Variants in ALDH2 observed in about 807,000 individuals in gnomAD.
ALDH2 encodes aldehyde dehydrogenase, mitochondrial.
Under a neutral mutation model 59.6 loss-of-function variants are expected in ALDH2, and 44 were observed. The observed-to-expected ratio is 0.74, with a 90% confidence interval of 0.58 to 0.95. The LOEUF is 0.95. Among genes scored for constraint, ALDH2 ranks in the 40% least tolerant of loss-of-function variants. The pLI, the probability that ALDH2 is intolerant of heterozygous loss-of-function variation, is 0.00. For missense variants in ALDH2, 570 were observed against 696.3 expected (o/e 0.82, Z 2.04); for synonymous variants, 291 against 284.0 (o/e 1.02, Z -0.25).
chr12:111,790,704 C>T, intron 6 of ALDH2, 142 bp downstream of exon 6: 1 of 1,116,150 alleles, frequency 9.0e-7, no homozygotes, highest in Non-Finnish European at 1.3e-6. Context: ...AGAGTGGCTC[C>T]CTCTTAGCTT....
At chr12:111,790,996 C>T (rs1312733402) in intron 6 of ALDH2, among the ~76,000 whole-genome samples, 3 of 152,124 alleles carry the variant, frequency 2.0e-5, no homozygotes, top group African/African-American at 7.2e-5. Context: ...CTGCAGTGAG[C>T]TGTGATCACA....
At chr12:111,797,472 A>C (rs911392937) in intron 9 of ALDH2, among the ~76,000 whole-genome samples, 2 of 152,226 alleles carry the variant, frequency 1.3e-5, no homozygotes, top group African/African-American at 4.8e-5. Context: ...GTAGGGGTGC[A>C]TGCCTATAGT....
rs147178045 is a variant in ALDH2 at position 111,803,991 on chromosome 12, T to C, written c.1521+18T>C. ...TGAAAACTGTGAGTGTGGGACCTGC[T>C]GGGGGCTCAGGGCCTGTTGGGGCTT... On this transcript the variant is annotated intron_variant, in intron 12 of 12. Coordinates refer to ENST00000261733, the MANE Select transcript of ALDH2 (RefSeq NM_000690.4). The C allele has an allele frequency of 1.9e-4, 300 of 1,566,218 alleles. No individual in the cohort carries two copies. The African/African-American group carries it at 3.7e-3, about 19-fold the overall frequency.
At position 111,789,884 on chromosome 12, in the gene ALDH2, T is replaced by C; in HGVS notation, c.502T>C (p.Phe168Leu). ...AACCATCCCCATTGACGGAGACTTC[T>C]TCAGCTACACACGCCATGAACCTGT... is the stretch of plus-strand genomic sequence containing the variant. The part of the protein sequence containing the change: ...GKTIPIDGDF[F>L]SYTRHEPVGV... The change falls in exon 5 of 13, where the codon TTC becomes CTC. Residue 168 changes from phenylalanine (F) to leucine (L), a missense_variant. By Grantham distance (22) the Phe-to-Leu change is conservative. Transcript: ENST00000261733. The C allele has an allele frequency of 2.5e-6, 4 of 1,614,222 alleles. No homozygotes were observed. The highest frequency in any genetic ancestry group is 3.4e-6 in the Non-Finnish European group (4 of 1,180,038).
In ALDH2 at chr12:111,783,251, C is replaced by G; in HGVS notation, c.313C>G (p.Leu105Val). Residue 105 changes from leucine to valine, a missense_variant, in exon 3 of 13, where the codon CTG (leucine) becomes GTG (valine). Coordinates refer to ENST00000261733, the MANE Select transcript of ALDH2 (RefSeq NM_000690.4). ...GGACGCATCACACAGGGGCCGGCTGCTGAACCGCCTGGCCGATCTGATCGA... is the reference window on the plus strand; with the variant it reads ...GGACGCATCACACAGGGGCCGGCTGGTGAACCGCCTGGCCGATCTGATCGA... ...RMDASHRGRL[L>V]NRLADLIERD... 2.5e-6 allele frequency: 4 copies of G among 1,612,946 alleles called. No individual in the cohort carries two copies. Among genetic ancestry groups the G allele is most frequent in the Non-Finnish European group, 3.4e-6 (4 of 1,179,494 alleles).
rs2068525950 is a variant in ALDH2 at position 111,810,224 on chromosome 12, A to C, written c.*649A>C. On this transcript the variant is annotated 3_prime_UTR_variant, in exon 13 of 13. Coordinates refer to ENST00000261733, the MANE Select transcript of ALDH2 (RefSeq NM_000690.4). ...GAGGCTGAGGCAGGAAAATTGGTTG[A>C]ACCTGGGAGGTGGAGGTTGCAGTGA... 6.5e-6 allele frequency: 1 copy of C among 153,444 alleles called. No homozygotes were observed. The highest frequency in any genetic ancestry group is 2.1e-4 in the South Asian group (1 of 4,866). 9.5% of individuals were successfully genotyped at this position (153,444 alleles called of 1,614,324 possible). A position where few individuals can be genotyped will look rare whatever the true frequency, so the allele number is the denominator to read the frequency against.
At chr12:111,794,504 C>G (rs1435798308) in intron 9 of ALDH2, among the ~76,000 whole-genome samples, 1 of 151,946 alleles carries the variant, frequency 6.6e-6, no homozygotes, top group African/African-American at 2.4e-5. Context: ...TGCCCAACAT[C>G]CCCCTCTTTG....
intron 11 of ALDH2, among the ~76,000 whole-genome samples, chr12:111,802,879 C>CAAA (rs747777133): frequency 1.9e-5 from 1 of 53,028 alleles, no homozygotes. Context: ...GACTCTGTCT[C>CAAA]AAAAAAAAAA....
chr12:111,788,792 A>G (rs1593077571), intron 4 of ALDH2, among the ~76,000 whole-genome samples: 1 of 152,206 alleles, frequency 6.6e-6, no homozygotes, highest in East Asian at 1.9e-4. Context: ...ACTTGAGCTC[A>G]GGAGTTTGAG....
In ALDH2 at chr12:111,800,479, G is replaced by T. The variant is rs550255304; in HGVS notation, c.1406+416G>T. Reference sequence around the variant, plus strand: ...AATATTCTACCCAGGCTGAAGTGCTGTGGGGTGCGATTATAGCTCACTGCA... The same window carrying T: ...AATATTCTACCCAGGCTGAAGTGCTTTGGGGTGCGATTATAGCTCACTGCA... On this transcript the variant is annotated intron_variant, in intron 11 of 12. Coordinates refer to ENST00000261733, the MANE Select transcript of ALDH2 (RefSeq NM_000690.4). 4.6e-5 allele frequency among the ~76,000 whole-genome samples: 7 copies of T among 152,154 alleles called. No homozygotes were observed. The East Asian group carries it at 1.4e-3, about 29-fold the overall frequency.
Position 111,815,479 on chromosome 12 carries a change from A to G in ALDH2, c.*5904A>G, listed in dbSNP as rs1223022838. On this transcript the variant is annotated 3_prime_UTR_variant, in exon 13 of 13. Transcript: ENST00000261733. The stretch of plus-strand genomic sequence containing the variant: ...CTTGGCACATAGAAGGGGTTACAAT[A>G]TACATATATTAGAGTGAGAGCATAG... 6.6e-6 allele frequency: 1 copy of G among 152,012 alleles called. No homozygotes were observed. Among genetic ancestry groups the G allele is most frequent in the Non-Finnish European group, 1.5e-5 (1 of 68,004 alleles). The allele number at this position is 152,012 out of a possible 1,614,324, so 9.4% of individuals were successfully genotyped here.
intron 3 of ALDH2, 41 bp from the exon 4 acceptor site, chr12:111,785,225 AT>A (rs779179243): frequency 1.3e-6 from 2 of 1,532,124 alleles, no homozygotes; most frequent in East Asian, 2.3e-5. Flanking sequence ...TTTTCCTCTC[AT>A]TCCTGCACCC....
At chr12:111,768,040 C>T (rs1338328501) in intron 1 of ALDH2, among the ~76,000 whole-genome samples, 1 of 152,192 alleles carries the variant, frequency 6.6e-6, no homozygotes, top group Admixed American at 6.5e-5. Flanking sequence ...ACCTGTTTTG[C>T]AATTTAAGGT....
At chr12:111,784,013 G>A (rs2068292901) in intron 3 of ALDH2, among the ~76,000 whole-genome samples, 1 of 152,208 alleles carries the variant, frequency 6.6e-6, no homozygotes, top group Non-Finnish European at 1.5e-5. Flanking sequence ...GCACACAGAA[G>A]CCAGAGCAAA....
Position 111,792,080 on chromosome 12 carries a change from T to A in ALDH2, c.815T>A (p.Val272Asp). The A allele has an allele frequency of 6.2e-7, 1 of 1,610,700 alleles. No homozygotes were observed. The change falls in exon 8 of 13, where the codon GTT becomes GAT. Residue 272 changes from valine (V) to aspartate (D), a missense_variant. Transcript: ENST00000261733. ...CCACAGATTGGCCGCGTAATCCAGG[T>A]TGCTGCTGGGAGCAGCAACCTCAAG... is the stretch of plus-strand genomic sequence containing the variant. ...GSTEIGRVIQ[V>D]AAGSSNLKRV...
At chr12:111,769,921 G>T (rs963217269) in intron 1 of ALDH2, among the ~76,000 whole-genome samples, 1 of 152,012 alleles carries the variant, frequency 6.6e-6, no homozygotes, top group Non-Finnish European at 1.5e-5. Context: ...TGAAGCAGGC[G>T]GATCACGAGG....
Position 111,776,359 on chromosome 12 carries a change from C to A in ALDH2, c.115-5559C>A, listed in dbSNP as rs146468087. ...GCAAGGTCCTAGCTTAGGAACTGTA[C>A]ACTCGTTCTTGCATTTAACCTTCAC... On this transcript the variant is annotated intron_variant, in intron 1 of 12. Coordinates refer to ENST00000261733, the MANE Select transcript of ALDH2 (RefSeq NM_000690.4). 2.9e-3 allele frequency among the ~76,000 whole-genome samples: 449 copies of A among 152,304 alleles called. 2 individuals carry two copies. The highest frequency in any genetic ancestry group is 4.0e-3 in the Non-Finnish European group (271 of 68,026).
At chr12:111,767,649 G>A (rs898021591) in intron 1 of ALDH2, among the ~76,000 whole-genome samples, 1 of 152,316 alleles carries the variant, frequency 6.6e-6, no homozygotes, top group Middle Eastern at 3.4e-3. Flanking sequence ...TCGGCCCCAG[G>A]GGGCCGACCC....
At chr12:111,786,516 G>T (rs1028505994) in intron 4 of ALDH2, among the ~76,000 whole-genome samples, 3 of 150,562 alleles carry the variant, frequency 2.0e-5, no homozygotes, top group African/African-American at 7.3e-5. Flanking sequence ...GATTAGAGGC[G>T]TGAGCCACCA....
Sources: allele counts gnomAD v4.1 joint callset (sites outside exome capture counted in the v4.1 genomes callset), GRCh38; gene constraint gnomAD v4.1.1; transcripts MANE v1.5; gene names NCBI Gene and HGNC (gene_info 2026-07-23, HGNC 2026-07-21).